Variants in SAMD12 observed in about 807,000 individuals in gnomAD.
The protein encoded by SAMD12 is sterile alpha motif domain containing 12.
In SAMD12, 9 loss-of-function variants were observed where a neutral mutation model predicts 15.0. That is an observed-to-expected ratio of 0.60 (90% CI 0.36 to 1.05). SAMD12 has a LOEUF of 1.05. Ranked by LOEUF, SAMD12 falls within the 50% of genes least tolerant of loss-of-function variation. The probability of loss-of-function intolerance (pLI) is 0.01; values close to 1 mark genes in which losing one functional copy is unlikely to be tolerated. For synonymous variants in SAMD12, 86 were observed against 90.1 expected (o/e 0.96, Z 0.25); for missense variants, 230 against 234.2 (o/e 0.98, Z 0.12).
At chr8:118,550,594 T>A (rs1397287847) in intron 2 of SAMD12, among the ~76,000 whole-genome samples, 1 of 152,118 alleles carries the variant, frequency 6.6e-6, no homozygotes, top group Non-Finnish European at 1.5e-5. Flanking sequence ...GTAAAGACCA[T>A]CAAGACTAGG....
intron 4 of SAMD12, among the ~76,000 whole-genome samples, chr8:118,217,476 A>G (rs1032226977): frequency 6.6e-6 from 1 of 152,220 alleles, no homozygotes. Context: ...GTTTTTGTCC[A>G]TAAAGTGCTT....
chr8:118,209,990 A>G (rs1819973766), intron 4 of SAMD12, among the ~76,000 whole-genome samples: 1 of 152,224 alleles, frequency 6.6e-6, no homozygotes. Context: ...AGCCAAGGAT[A>G]TGGTAATTAA....
intron 4 of SAMD12, among the ~76,000 whole-genome samples, chr8:118,251,154 C>A (rs959210220): frequency 1.3e-5 from 2 of 151,912 alleles, no homozygotes; most frequent in African/African-American, 4.8e-5. Flanking sequence ...GTCAAGTGGT[C>A]GTGGGTGAGG....
chr8:118,336,882 A>G (rs556986550), intron 4 of SAMD12, among the ~76,000 whole-genome samples: 1 of 152,326 alleles, frequency 6.6e-6, no homozygotes, highest in East Asian at 1.9e-4. Context: ...GAAGCTGGAA[A>G]CCATCATTCT....
chr8:118,291,175 T>G (rs1218410885), intron 4 of SAMD12: 1 of 152,244 alleles, frequency 6.6e-6, no homozygotes, highest in Non-Finnish European at 1.5e-5. Context: ...ATAAACTTCA[T>G]GTTATCTTTA....
chr8:118,141,261 A>G, the SAMD12 span, among the ~76,000 whole-genome samples: 5 of 152,252 alleles, frequency 3.3e-5, no homozygotes, highest in Non-Finnish European at 4.4e-5. Context: ...AGTACTAACT[A>G]ATTTGAGACT....
intron 4 of SAMD12, among the ~76,000 whole-genome samples, chr8:118,318,359 T>TGAA (rs1413626130): frequency 8.0e-6 from 1 of 125,554 alleles, no homozygotes; most frequent in East Asian, 2.5e-4. Context: ...TATATATACA[T>TGAA]ATATACCATG....
At chr8:118,287,178 A>G (rs968003928) in intron 4 of SAMD12, among the ~76,000 whole-genome samples, 2 of 146,786 alleles carry the variant, frequency 1.4e-5, no homozygotes, top group African/African-American at 2.6e-5. Flanking sequence ...AGGCCGGACT[A>G]CAGTGGCTCT....
intron 2 of SAMD12, among the ~76,000 whole-genome samples, chr8:118,548,193 A>G (rs1826185865): frequency 6.6e-6 from 1 of 152,234 alleles, no homozygotes; most frequent in Non-Finnish European, 1.5e-5. Context: ...TGGGACAAAT[A>G]TGAGCAACAG....
At chr8:118,481,276 T>C (rs970044767) in intron 2 of SAMD12, among the ~76,000 whole-genome samples, 1 of 152,150 alleles carries the variant, frequency 6.6e-6, no homozygotes, top group Non-Finnish European at 1.5e-5. Flanking sequence ...ATTTCTAATT[T>C]AGTACTAAAC....
At chr8:118,302,452 T>C (rs1285759806) in intron 4 of SAMD12, among the ~76,000 whole-genome samples, 2 of 152,134 alleles carry the variant, frequency 1.3e-5, no homozygotes, top group African/African-American at 2.4e-5. Flanking sequence ...CGAGAGGATA[T>C]ATAATAAAGG....
chr8:118,339,637 G>A (rs566805447), intron 4 of SAMD12, among the ~76,000 whole-genome samples: 2 of 152,286 alleles, frequency 1.3e-5, no homozygotes, highest in South Asian at 2.1e-4. Flanking sequence ...GGAATGATGC[G>A]GCAGTGATTT....
chr8:118,554,555 T>C (rs1444863288), intron 2 of SAMD12, among the ~76,000 whole-genome samples: 1 of 149,740 alleles, frequency 6.7e-6, no homozygotes, highest in East Asian at 2.0e-4. Context: ...AGGGATAGCA[T>C]TGGGAAATAT....
chr8:118,440,409 C>A (rs1038472138), intron 2 of SAMD12, among the ~76,000 whole-genome samples: 4 of 152,030 alleles, frequency 2.6e-5, no homozygotes, highest in African/African-American at 4.8e-5. Context: ...TTTTTAGGAA[C>A]GAATGTTACT....
At chr8:118,202,054 T>A (rs11562676) in intron 4 of SAMD12, among the ~76,000 whole-genome samples, 1 of 152,180 alleles carries the variant, frequency 6.6e-6, no homozygotes, top group African/African-American at 2.4e-5. Flanking sequence ...AACACATGAA[T>A]TTTTCCCAAG....
chr8:118,406,446 G>C (rs1821133531), intron 3 of SAMD12, among the ~76,000 whole-genome samples: 1 of 151,790 alleles, frequency 6.6e-6, no homozygotes, highest in Non-Finnish European at 1.5e-5. Flanking sequence ...GCTAATTTTT[G>C]TATTTTTAGT....
chr8:118,503,672 GGAGAA>G (rs1376416636), intron 2 of SAMD12, among the ~76,000 whole-genome samples: 2 of 152,132 alleles, frequency 1.3e-5, no homozygotes, highest in Non-Finnish European at 1.5e-5. Flanking sequence ...CCTGGAGTCA[GGAGAA>G]GGGATTACAA....
At chr8:118,157,413 A>G in the SAMD12 span, among the ~76,000 whole-genome samples, 1 of 152,236 alleles carries the variant, frequency 6.6e-6, no homozygotes, top group Non-Finnish European at 1.5e-5. Context: ...ACCTCCAGGG[A>G]CAGAAGGTCA....
At chr8:118,542,099 A>C (rs541467224) in intron 2 of SAMD12, among the ~76,000 whole-genome samples, 1 of 152,368 alleles carries the variant, frequency 6.6e-6, no homozygotes, top group African/African-American at 2.4e-5. Flanking sequence ...TGAAAAGGGC[A>C]GTCTATTTTA....
Sources: allele counts gnomAD v4.1 joint callset (sites outside exome capture counted in the v4.1 genomes callset), GRCh38; gene constraint gnomAD v4.1.1; transcripts MANE v1.5; gene names NCBI Gene and HGNC (gene_info 2026-07-23, HGNC 2026-07-21).